Variants in KCNIP4 observed in about 807,000 individuals in gnomAD.
KCNIP4 encodes potassium voltage-gated channel interacting protein 4.
KCNIP4 carries 12 observed loss-of-function variants against 34.0 expected under a neutral mutation model. The ratio of observed to expected loss-of-function variants is 0.35; its 90% confidence interval spans 0.23 to 0.57. The LOEUF is 0.57. KCNIP4 is among the 20% of genes least tolerant of loss of function. The pLI is 0.83. For synonymous variants in KCNIP4, 124 were observed against 102.2 expected (o/e 1.21, Z -1.29); for missense variants, 238 against 311.7 (o/e 0.76, Z 1.78).
chr4:21,823,918 A>G (rs535350687), intron 1 of KCNIP4, among the ~76,000 whole-genome samples: 5 of 152,186 alleles, frequency 3.3e-5, no homozygotes, highest in Non-Finnish European at 7.4e-5. Context: ...GGTGGAATGC[A>G]TATCTATACC....
At chr4:21,272,410 AT>A (rs1346731316) in intron 1 of KCNIP4, among the ~76,000 whole-genome samples, 4 of 152,182 alleles carry the variant, frequency 2.6e-5, no homozygotes, top group African/African-American at 9.7e-5. Context: ...TTTCCCAAGC[AT>A]TTTATATGCA....
chr4:21,079,235 C>G (rs1239375334), intron 1 of KCNIP4, among the ~76,000 whole-genome samples: 1 of 152,024 alleles, frequency 6.6e-6, no homozygotes, highest in East Asian at 1.9e-4. Context: ...GCATCTCACA[C>G]AATTGGCTCA....
At chr4:21,136,166 G>T (rs899236084) in intron 1 of KCNIP4, among the ~76,000 whole-genome samples, 3 of 152,128 alleles carry the variant, frequency 2.0e-5, no homozygotes, top group Admixed American at 6.6e-5. Context: ...CCGGATGCTT[G>T]CCGTGCCCTA....
chr4:21,768,973 AAT>A (rs1233970531), intron 1 of KCNIP4, among the ~76,000 whole-genome samples: 2 of 152,004 alleles, frequency 1.3e-5, no homozygotes, highest in Non-Finnish European at 2.9e-5. Context: ...TTGATGTAGC[AAT>A]ATCCTCGTTT....
intron 1 of KCNIP4, among the ~76,000 whole-genome samples, chr4:21,896,940 TA>T (rs1392739099): frequency 1.0e-4 from 1 of 9,994 alleles, no homozygotes; most frequent in Admixed American, 2.0e-3. Context: ...AAATAATAAA[TA>T]AATAAATAAA....
chr4:21,033,647 C>T (rs971407016), intron 1 of KCNIP4, among the ~76,000 whole-genome samples: 5 of 152,056 alleles, frequency 3.3e-5, no homozygotes. Context: ...AAACATATGT[C>T]AGGTATGGTA....
intron 1 of KCNIP4, among the ~76,000 whole-genome samples, chr4:21,577,048 T>C (rs1485344449): frequency 6.6e-6 from 1 of 152,174 alleles, no homozygotes; most frequent in African/African-American, 2.4e-5. Flanking sequence ...TATTCTTTTT[T>C]AGTTTAATAA....
chr4:20,949,215 T>G (rs1449407094), intron 1 of KCNIP4, among the ~76,000 whole-genome samples: 1 of 152,254 alleles, frequency 6.6e-6, no homozygotes, highest in Non-Finnish European at 1.5e-5. Context: ...TTGCAAATAC[T>G]GACGCATAGT....
chr4:21,144,474 A>G (rs556799516), intron 1 of KCNIP4, among the ~76,000 whole-genome samples: 14 of 152,324 alleles, frequency 9.2e-5, no homozygotes, highest in African/African-American at 2.9e-4. Flanking sequence ...TCTATTCCTC[A>G]TGCTAAACCC....
At chr4:21,309,171 C>T (rs532144585) in intron 1 of KCNIP4, among the ~76,000 whole-genome samples, 43 of 152,206 alleles carry the variant, frequency 2.8e-4, no homozygotes, top group African/African-American at 1.0e-3. Context: ...GATTTTGGCA[C>T]GTTATGTCTC....
At chr4:20,821,423 T>C (rs1717089672) in intron 3 of KCNIP4, among the ~76,000 whole-genome samples, 1 of 152,212 alleles carries the variant, frequency 6.6e-6, no homozygotes. Flanking sequence ...GAATGAATTG[T>C]ACCTTGAGTC....
chr4:21,789,070 CAAAAA>C (rs35630701), intron 1 of KCNIP4, among the ~76,000 whole-genome samples: 3 of 93,938 alleles, frequency 3.2e-5, no homozygotes, highest in African/African-American at 7.8e-5. Context: ...GAGATTCTGT[CAAAAA>C]AAAAAAAAAA....
intron 1 of KCNIP4, among the ~76,000 whole-genome samples, chr4:21,400,818 G>A (rs1000903737): frequency 7.2e-5 from 11 of 152,114 alleles, no homozygotes; most frequent in South Asian, 2.1e-4. Context: ...GTGAGAGAAC[G>A]AATGTGAGAT....
intron 1 of KCNIP4, chr4:21,464,860 G>A (rs964506659): frequency 2.0e-5 from 3 of 152,072 alleles, no homozygotes; most frequent in Non-Finnish European, 4.4e-5. Context: ...ATATTTCAAT[G>A]CATCCATCTC....
In KCNIP4 at chr4:21,445,610, T is replaced by A. The variant is rs538726272; in HGVS notation, c.61+502961A>T. On this transcript the variant is annotated intron_variant, in intron 1 of 8. Coordinates refer to ENST00000382152, the MANE Select transcript of KCNIP4 (RefSeq NM_025221.6). ...AACTGGATCCCTTCCTTACACCTTA[T>A]ACAAAAATTAATTCAAGATGGATTA... is the stretch of plus-strand genomic sequence containing the variant. Among the ~76,000 whole-genome samples, 289 of 152,266 alleles carry A rather than the reference T, an allele frequency of 1.9e-3. 2 individuals carry two copies. The highest frequency in any genetic ancestry group is 6.6e-3 in the African/African-American group (276 of 41,542).
At chr4:20,987,798 G>A (rs1736710480) in intron 1 of KCNIP4, among the ~76,000 whole-genome samples, 3 of 151,686 alleles carry the variant, frequency 2.0e-5, no homozygotes, top group Admixed American at 1.3e-4. Flanking sequence ...AGGAGATTGA[G>A]ACCATACTGG....
At chr4:21,060,086 A>G (rs1015188446) in intron 1 of KCNIP4, among the ~76,000 whole-genome samples, 3 of 152,084 alleles carry the variant, frequency 2.0e-5, no homozygotes, top group African/African-American at 7.2e-5. Flanking sequence ...TTGTTTCATT[A>G]TTTTATAGTT....
chr4:21,584,986 A>G (rs555483200), intron 1 of KCNIP4, among the ~76,000 whole-genome samples: 9 of 152,256 alleles, frequency 5.9e-5, no homozygotes, highest in East Asian at 5.8e-4. Context: ...TGGAGAAAGC[A>G]AGTGGCCCAA....
intron 1 of KCNIP4, among the ~76,000 whole-genome samples, chr4:20,922,914 C>A (rs1327426499): frequency 6.6e-6 from 1 of 152,034 alleles, no homozygotes; most frequent in African/African-American, 2.4e-5. Flanking sequence ...TCTCTAAAAA[C>A]CTTATAAAAA....
Sources: gnomAD v4.1 joint callset for allele counts (sites outside exome capture counted in the v4.1 genomes callset) on GRCh38, gnomAD v4.1.1 for gene constraint, MANE v1.5 for transcripts, NCBI Gene and HGNC (gene_info 2026-07-23, HGNC 2026-07-21) for gene names.